Variants in EDAR observed in about 807,000 individuals in gnomAD.
The protein encoded by EDAR is tumor necrosis factor receptor superfamily member EDAR.
A neutral mutation model predicts 51.3 loss-of-function variants in EDAR; 38 were observed. The ratio of observed to expected loss-of-function variants is 0.74; its 90% CI spans 0.57 to 0.97. The LOEUF (loss-of-function observed/expected upper bound fraction) is 0.97. EDAR is among the 50% of genes least tolerant of loss of function. The probability of loss-of-function intolerance (pLI) is 0.00; values close to 1 mark genes in which losing one functional copy is unlikely to be tolerated. For missense variants in EDAR, 528 were observed against 595.0 expected, an observed-to-expected ratio of 0.89 and a Z score of 1.17; for synonymous variants, 227 against 242.1, an observed-to-expected ratio of 0.94 and a Z score of 0.58.
chr2:108,910,927 C>A lies in EDAR; in HGVS notation c.655+20G>T. ...ACGGAGAGTCCAGGAAGCAGGGCACCGGCGCATGGGGGCCGTCACCTGGGG... is the reference window on the plus strand; with the variant it reads ...ACGGAGAGTCCAGGAAGCAGGGCACAGGCGCATGGGGGCCGTCACCTGGGG... On this transcript the variant is annotated intron_variant, in intron 7 of 11. Coordinates refer to ENST00000258443, the MANE Select transcript of EDAR (RefSeq NM_022336.4). 1 of 1,613,980 alleles carries A rather than the reference C, an allele frequency of 6.2e-7. No homozygotes were observed. The highest frequency in any genetic ancestry group is 1.1e-5 in the South Asian group (1 of 91,064).
chr2:108,903,339 C>T (rs2105383575), intron 11 of EDAR, among the ~76,000 whole-genome samples: 1 of 151,970 alleles, frequency 6.6e-6, no homozygotes, highest in Non-Finnish European at 1.5e-5. Context: ...AGTTTTGTTG[C>T]AACTCATTAA....
intron 1 of EDAR, among the ~76,000 whole-genome samples, chr2:108,933,652 G>A (rs761923600): frequency 3.3e-5 from 5 of 152,288 alleles, no homozygotes; most frequent in South Asian, 2.1e-4. Context: ...TGCATTTACC[G>A]TTTGGAAAAC....
At chr2:108,975,658 C>T (rs746777821) in intron 1 of EDAR, among the ~76,000 whole-genome samples, 26 of 152,080 alleles carry the variant, frequency 1.7e-4, no homozygotes, top group Non-Finnish European at 3.4e-4. Flanking sequence ...AACAGGGGTG[C>T]GGTCTGGGAG....
intron 1 of EDAR, among the ~76,000 whole-genome samples, chr2:108,964,874 AC>A (rs1247993664): frequency 1.3e-5 from 2 of 152,228 alleles, no homozygotes; most frequent in African/African-American, 4.8e-5. Flanking sequence ...GTGTAGCATG[AC>A]AAAAACATAC....
At chr2:108,966,478 G>A (rs900374838) in intron 1 of EDAR, among the ~76,000 whole-genome samples, 7 of 152,198 alleles carry the variant, frequency 4.6e-5, no homozygotes, top group Admixed American at 2.0e-4. Flanking sequence ...CGCGGGCCCC[G>A]GTGCAGTTAT....
chr2:108,983,725 G>A (rs925969715), intron 1 of EDAR, among the ~76,000 whole-genome samples: 22 of 152,218 alleles, frequency 1.4e-4, no homozygotes, highest in African/African-American at 5.3e-4. Context: ...CGTGCGGGAC[G>A]GGGCAGGGAA....
intron 1 of EDAR, among the ~76,000 whole-genome samples, chr2:108,943,221 T>C (rs1697642995): frequency 6.6e-6 from 1 of 152,140 alleles, no homozygotes; most frequent in South Asian, 2.1e-4. Flanking sequence ...GGGAAGGCCT[T>C]GAGAAGGGCA....
At chr2:108,924,950 TCTG>T (rs1207413229) in intron 4 of EDAR, among the ~76,000 whole-genome samples, 4 of 152,236 alleles carry the variant, frequency 2.6e-5, no homozygotes, top group Admixed American at 2.0e-4. Context: ...CGCTGACACT[TCTG>T]AGAAACATCT....
intron 1 of EDAR, among the ~76,000 whole-genome samples, chr2:108,940,613 C>T (rs1158311514): frequency 6.6e-6 from 1 of 152,242 alleles, no homozygotes; most frequent in African/African-American, 2.4e-5. Context: ...CCAGTGCCGT[C>T]GTCACACAAT....
chr2:108,924,630 C>T (rs1454647132), intron 4 of EDAR, among the ~76,000 whole-genome samples: 1 of 152,178 alleles, frequency 6.6e-6, no homozygotes, highest in Non-Finnish European at 1.5e-5. Context: ...TCTGTGGGCT[C>T]CTGCCTTCCT....
chr2:108,965,581 TCTC>T (rs1466388788), intron 1 of EDAR, among the ~76,000 whole-genome samples: 1 of 152,170 alleles, frequency 6.6e-6, no homozygotes, highest in East Asian at 1.9e-4. Flanking sequence ...ATCAGGATTT[TCTC>T]CTCCTGGGCT....
chr2:108,927,928 C>A (rs113613899), intron 4 of EDAR, among the ~76,000 whole-genome samples: 9 of 152,312 alleles, frequency 5.9e-5, no homozygotes, highest in African/African-American at 1.9e-4. Flanking sequence ...TGAGTGCCAT[C>A]TGCACCCCTG....
At chr2:108,955,850 T>C (rs1444525336) in intron 1 of EDAR, among the ~76,000 whole-genome samples, 2 of 151,794 alleles carry the variant, frequency 1.3e-5, no homozygotes, top group African/African-American at 4.8e-5. Flanking sequence ...CACGGCGAAA[T>C]ACTGTCTGTA....
chr2:108,931,728 T>C (rs13425588), intron 1 of EDAR, among the ~76,000 whole-genome samples: 2,065 of 147,800 alleles, frequency 0.014, 22 homozygotes, highest in South Asian at 0.029. Context: ...GGTTTTTTTT[T>C]CTTTTTTTTT....
intron 1 of EDAR, among the ~76,000 whole-genome samples, chr2:108,978,726 T>C (rs183780): frequency 0.21 from 32,060 of 152,116 alleles, 3,579 homozygotes; most frequent in Middle Eastern, 0.29. Context: ...CAGCAGACAA[T>C]GCCCAACCCC....
At position 108,942,187 on chromosome 2, in the gene EDAR, T is replaced by C. The variant is rs1697613739; in HGVS notation, c.-18-11155A>G. ...GACGTGTCACTAAACCTCCCCAGCA[T>C]TGCAAGGGAGGCACTCACTACTCCC... On this transcript the variant is annotated intron_variant, in intron 1 of 11. Coordinates refer to ENST00000258443, the MANE Select transcript of EDAR (RefSeq NM_022336.4). Among the ~76,000 whole-genome samples, 2 of 152,160 alleles carry C rather than the reference T, an allele frequency of 1.3e-5. 1 individual carries two copies. Among genetic ancestry groups the C allele is most frequent in the South Asian group, 4.1e-4 (2 of 4,828 alleles).
chr2:108,975,327 G>T (rs1360094010), intron 1 of EDAR, among the ~76,000 whole-genome samples: 1 of 152,214 alleles, frequency 6.6e-6, no homozygotes, highest in Non-Finnish European at 1.5e-5. Context: ...TGTCTTCTAT[G>T]GGTCAAATCC....
intron 9 of EDAR, among the ~76,000 whole-genome samples, chr2:108,908,640 C>T (rs1187268288): frequency 2.6e-5 from 4 of 152,212 alleles, no homozygotes; most frequent in Non-Finnish European, 5.9e-5. Context: ...CGCCCTGTGG[C>T]TCACAGCCCA....
chr2:108,938,087 C>A (rs1420544756), intron 1 of EDAR, among the ~76,000 whole-genome samples: 1 of 152,222 alleles, frequency 6.6e-6, no homozygotes, highest in African/African-American at 2.4e-5. Flanking sequence ...ATGTCCAATT[C>A]TTCAGAACTC....
Sources: allele counts gnomAD v4.1 joint callset (sites outside exome capture counted in the v4.1 genomes callset), GRCh38; gene constraint gnomAD v4.1.1; transcripts MANE v1.5; gene names NCBI Gene and HGNC (gene_info 2026-07-23, HGNC 2026-07-21).